Variants in PAX7 observed in about 807,000 individuals in gnomAD.
PAX7 encodes the protein paired box 7, also known as paired box protein Pax-7.
In PAX7, 18 loss-of-function variants were observed where a neutral mutation model predicts 50.7. The observed-to-expected ratio is 0.36, with a 90% CI of 0.25 to 0.53. The LOEUF is 0.53. Ranked by LOEUF, PAX7 falls within the 20% of genes least tolerant of loss-of-function variation. The probability of loss-of-function intolerance (pLI) is 0.93; values close to 1 mark genes in which losing one functional copy is unlikely to be tolerated. For missense variants in PAX7, 644 were observed against 702.9 expected (o/e 0.92, Z 0.95); for synonymous variants, 310 against 290.4 (o/e 1.07, Z -0.69).
intron 7 of PAX7, among the ~76,000 whole-genome samples, chr1:18,721,213 G>A (rs1220743327): frequency 7.2e-5 from 11 of 152,164 alleles, no homozygotes; most frequent in African/African-American, 1.7e-4. Context: ...CCAGTGCAGC[G>A]GTGGTGGGTC....
rs1307620589 is a variant in PAX7 at position 18,683,036 on chromosome 1, C to T, written c.587-8718C>T. ...CTGTGTGGGGGAAGTGGATGGGGGT[C>T]AGGAAAGTGGTCAGCTACAGCCAGA... On this transcript the variant is annotated intron_variant, in intron 4 of 8. Transcript: ENST00000420770. Among the ~76,000 whole-genome samples the T allele has an allele frequency of 4.6e-5, 7 of 152,226 alleles. No homozygotes were observed. In the East Asian group the frequency reaches 1.4e-3, roughly 29 times the overall value.
intron 4 of PAX7, among the ~76,000 whole-genome samples, chr1:18,649,502 C>G (rs1187012510): frequency 6.6e-6 from 1 of 152,032 alleles, no homozygotes; most frequent in Non-Finnish European, 1.5e-5. Flanking sequence ...CTCTTCTTAC[C>G]CCATCTGGAC....
At chr1:18,705,764 T>C (rs2089275387) in intron 7 of PAX7, among the ~76,000 whole-genome samples, 1 of 152,136 alleles carries the variant, frequency 6.6e-6, no homozygotes, top group Non-Finnish European at 1.5e-5. Context: ...CTCCTGGAAG[T>C]TCCTAAGTTG....
At chr1:18,744,519 AT>A (rs1931328075) in intron 8 of PAX7, among the ~76,000 whole-genome samples, 2 of 51,282 alleles carry the variant, frequency 3.9e-5, no homozygotes, top group Admixed American at 3.5e-4. Flanking sequence ...GGATAAATGA[AT>A]GAATGGATGG....
intron 7 of PAX7, among the ~76,000 whole-genome samples, chr1:18,721,194 C>T (rs1297755179): frequency 1.3e-5 from 2 of 152,162 alleles, no homozygotes; most frequent in East Asian, 1.9e-4. Context: ...CCCCAGATGC[C>T]CTGGCCTCCC....
At chr1:18,683,561 C>T (rs751213562) in intron 4 of PAX7, among the ~76,000 whole-genome samples, 11 of 152,302 alleles carry the variant, frequency 7.2e-5, no homozygotes, top group Non-Finnish European at 1.5e-4. Flanking sequence ...GCCCATTGGC[C>T]GGGTGCGGTG....
At chr1:18,684,165 A>G (rs2088940139) in intron 4 of PAX7, among the ~76,000 whole-genome samples, 1 of 152,154 alleles carries the variant, frequency 6.6e-6, no homozygotes, top group Non-Finnish European at 1.5e-5. Flanking sequence ...GCTGGGGAAG[A>G]AGGTGGTGGC....
chr1:18,744,793 A>G (rs1931356848), intron 8 of PAX7, 21 bp from the exon 9 acceptor site: 4 of 1,422,588 alleles, frequency 2.8e-6, no homozygotes, highest in Admixed American at 2.0e-5. Context: ...AATTTCTAGG[A>G]GAGTCTCTTC....
chr1:18,660,620 C>CAACCTGT (rs2088586785), intron 4 of PAX7, among the ~76,000 whole-genome samples: 1 of 152,198 alleles, frequency 6.6e-6, no homozygotes, highest in East Asian at 1.9e-4. Context: ...CTGACCCCTG[C>CAACCTGT]AACCTGTATT....
At chr1:18,653,892 C>A (rs1271314175) in intron 4 of PAX7, among the ~76,000 whole-genome samples, 1 of 152,084 alleles carries the variant, frequency 6.6e-6, no homozygotes, top group East Asian at 1.9e-4. Flanking sequence ...GGTCTAAACG[C>A]CAGCGTCGGT....
rs1371946649 is a variant in PAX7, at chr1:18,735,308, A to G, written c.1156-324A>G. Among the ~76,000 whole-genome samples, 1 of 152,154 alleles carries G rather than the reference A, an allele frequency of 6.6e-6. No homozygotes were observed. Among genetic ancestry groups the G allele is most frequent in the Non-Finnish European group, 1.5e-5 (1 of 68,028 alleles). On this transcript the variant is annotated intron_variant, in intron 7 of 8. Transcript: ENST00000420770. The surrounding 1 kb of genome is among the most constrained non-coding windows in gnomAD (Gnocchi z 4.0). ...CGTTCATTCATGCATTCATTCATGC[A>G]TTTATTCATTCAATAGACAGGCCCA... is the stretch of plus-strand genomic sequence containing the variant.
intron 4 of PAX7, among the ~76,000 whole-genome samples, chr1:18,676,462 C>T (rs1185533341): frequency 5.1e-5 from 6 of 118,006 alleles, no homozygotes; most frequent in African/African-American, 9.8e-5. Context: ...AGCGACCAGC[C>T]GGAGACACAA....
At chr1:18,688,371 C>G (rs7527312) in intron 4 of PAX7, among the ~76,000 whole-genome samples, 26,599 of 152,178 alleles carry the variant, frequency 0.17, 2,324 homozygotes, top group Non-Finnish European at 0.19. Flanking sequence ...ATGACTGTAT[C>G]GGATTGTGCT....
intron 7 of PAX7, among the ~76,000 whole-genome samples, chr1:18,725,142 G>A (rs2089542594): frequency 1.3e-5 from 2 of 152,270 alleles, no homozygotes; most frequent in South Asian, 4.1e-4. Context: ...TTCCTGGGAG[G>A]GGGCAAGCCG....
At chr1:18,697,332 T>G in intron 5 of PAX7, among the ~76,000 whole-genome samples, 1 of 152,154 alleles carries the variant, frequency 6.6e-6, no homozygotes, top group East Asian at 1.9e-4. Context: ...TTTTAGAGCG[T>G]TTATTTCCCT....
intron 8 of PAX7, among the ~76,000 whole-genome samples, chr1:18,742,242 C>T (rs1931188058): frequency 6.7e-6 from 1 of 149,860 alleles, no homozygotes; most frequent in Admixed American, 6.7e-5. Flanking sequence ...ACTGCAAGCT[C>T]CGCCTCCCAG....
intron 7 of PAX7, among the ~76,000 whole-genome samples, chr1:18,715,581 CA>C (rs1366830824): frequency 6.6e-6 from 1 of 152,122 alleles, no homozygotes; most frequent in Non-Finnish European, 1.5e-5. Context: ...GGCAGGAGAG[CA>C]GGGGGGTCAA....
rs1287735763 is a variant in PAX7 at position 18,745,844 on chromosome 1, C to T, written c.*915C>T. Reference sequence around the variant, plus strand: ...GGGAGGGGATAAAGTCTTGAGGATACATGAGTGGAGGAGCAGGAAGTGGGC... The same window carrying T: ...GGGAGGGGATAAAGTCTTGAGGATATATGAGTGGAGGAGCAGGAAGTGGGC... On this transcript the variant is annotated 3_prime_UTR_variant, in exon 9 of 9. Coordinates refer to ENST00000420770, the MANE Select transcript of PAX7 (RefSeq NM_001135254.2). 1 of 232,282 alleles carries T rather than the reference C, an allele frequency of 4.3e-6. No homozygotes were observed. The highest frequency in any genetic ancestry group is 8.5e-6 in the Non-Finnish European group (1 of 117,510). The allele number at this position is 232,282 out of a possible 1,614,324, so 14.4% of individuals were successfully genotyped here.
intron 7 of PAX7, among the ~76,000 whole-genome samples, chr1:18,732,868 G>T (rs1275814635): frequency 1.3e-5 from 2 of 152,150 alleles, no homozygotes; most frequent in Non-Finnish European, 2.9e-5. Flanking sequence ...GCATCCTGGG[G>T]ATGGGCAGGA....
Sources: gnomAD v4.1 joint callset for allele counts (sites outside exome capture counted in the v4.1 genomes callset) on GRCh38, gnomAD v4.1.1 for gene constraint, Gnocchi (gnomAD v3.1) non-coding constraint, MANE v1.5 for transcripts, NCBI Gene and HGNC (gene_info 2026-07-23, HGNC 2026-07-21) for gene names.